The following RAF1 variants were observed in gnomAD, a reference collection of about 807,000 sequenced individuals.
The protein encoded by RAF1 is RAF proto-oncogene serine/threonine-protein kinase.
In RAF1, 27 loss-of-function variants were observed where a neutral mutation model predicts 81.1. The ratio of observed to expected loss-of-function variants is 0.33; its 90% CI spans 0.25 to 0.46. The LOEUF is 0.46. Ranked by LOEUF, RAF1 falls within the 20% of genes least tolerant of loss-of-function variation. The pLI is 1.00. For synonymous variants in RAF1, 298 were observed against 294.0 expected (o/e 1.01, Z -0.14); for missense variants, 598 against 826.0 (o/e 0.72, Z 3.38).
At position 12,584,499 on chromosome 3, in the gene RAF1, C is replaced by T. The variant is rs1268664843; in HGVS notation, c.*15G>A. 1 of 1,614,070 alleles carries T rather than the reference C, an allele frequency of 6.2e-7. No homozygotes were observed. The highest frequency in any genetic ancestry group is 8.5e-7 in the Non-Finnish European group (1 of 1,180,046). ...TCCTCCTCCCCTGGCAGCCTGAAGA[C>T]AGGTGCAAAGTCAACTAGAAGACAG... On this transcript the variant is annotated 3_prime_UTR_variant, in exon 18 of 18. Transcript: ENST00000442415.
intron 1 of RAF1, among the ~76,000 whole-genome samples, chr3:12,639,529 G>C (rs192239201): frequency 6.6e-6 from 1 of 152,072 alleles, no homozygotes. Flanking sequence ...CAAAGTCTCA[G>C]GATACAAAAT....
At chr3:12,617,454 A>C (rs539508938) in intron 2 of RAF1, among the ~76,000 whole-genome samples, 1 of 152,116 alleles carries the variant, frequency 6.6e-6, no homozygotes, top group South Asian at 2.1e-4. Context: ...GGGGTTTGCC[A>C]CGTTGCCCGA....
chr3:12,656,676 T>C (rs577673644), intron 1 of RAF1, among the ~76,000 whole-genome samples: 1 of 152,156 alleles, frequency 6.6e-6, no homozygotes, highest in Non-Finnish European at 1.5e-5. Flanking sequence ...GCCTCATTTT[T>C]AAACTGAGAC....
intron 2 of RAF1, among the ~76,000 whole-genome samples, chr3:12,614,266 A>G (rs928978032): frequency 3.3e-5 from 5 of 152,230 alleles, no homozygotes; most frequent in African/African-American, 9.6e-5. Flanking sequence ...ACATACCAAA[A>G]TAGTTCAGAC....
intron 1 of RAF1, among the ~76,000 whole-genome samples, chr3:12,619,862 C>A (rs979156991): frequency 6.6e-6 from 1 of 151,994 alleles, no homozygotes; most frequent in Admixed American, 6.6e-5. Context: ...ATGGGCGGAT[C>A]ACAAGGTCAG....
At chr3:12,602,345 A>T (rs939842192) in intron 8 of RAF1, among the ~76,000 whole-genome samples, 11 of 152,198 alleles carry the variant, frequency 7.2e-5, no homozygotes, top group Admixed American at 2.0e-4. Context: ...TAAAGTAAAA[A>T]ATGATTAGGC....
At chr3:12,647,112 T>A (rs994596481) in intron 1 of RAF1, among the ~76,000 whole-genome samples, 15 of 148,858 alleles carry the variant, frequency 1.0e-4, no homozygotes, top group African/African-American at 3.7e-4. Context: ...CTGGCTAACA[T>A]GGTGAAACCC....
intron 1 of RAF1, among the ~76,000 whole-genome samples, chr3:12,646,647 T>C (rs567849881): frequency 1.3e-5 from 2 of 150,842 alleles, no homozygotes; most frequent in South Asian, 4.2e-4. Flanking sequence ...ACCTCCCGGG[T>C]TCACATGATT....
At position 12,622,584 on chromosome 3, in the gene RAF1, T is replaced by C. The variant is rs1012902843; in HGVS notation, c.-26-3837A>G. Among the ~76,000 whole-genome samples, 5 of 152,208 alleles carry C rather than the reference T, an allele frequency of 3.3e-5. No individual in the cohort carries two copies. In the East Asian group the frequency reaches 7.7e-4, roughly 23 times the overall value. ...CTTTCCCTAACCACACTAGCCAAAA[T>C]AGCCTGCTCTCCTTCTGCCAATTAA... On this transcript the variant is annotated intron_variant, in intron 1 of 17. Coordinates refer to ENST00000442415, the MANE Select transcript of RAF1 (RefSeq NM_001354689.3).
rs776550701 is a variant in RAF1, at chr3:12,596,961, C to T, written c.1168+2730G>A. On this transcript the variant is annotated intron_variant, in intron 11 of 17. Transcript: ENST00000442415. ...TCACCCAGGCTGAAGTGGAGTGGCA[C>T]GATCTCGGCTCACTGTAAGCTCTGC... Among the ~76,000 whole-genome samples, 39 of 151,692 alleles carry T rather than the reference C, an allele frequency of 2.6e-4. No individual in the cohort carries two copies. In the Middle Eastern group the frequency reaches 0.017, roughly 66 times the overall value.
rs2058210821 is a variant in RAF1, at chr3:12,583,636, A to ATGT, written c.*877_*878insACA. 3.4e-5 allele frequency: 8 copies of ATGT among 232,776 alleles called. No individual in the cohort carries two copies. The Admixed American group carries it at 3.9e-4, about 11-fold the overall frequency. 14.4% of individuals were successfully genotyped at this position (232,776 alleles called of 1,614,324 possible). A position where few individuals can be genotyped will look rare whatever the true frequency, so the allele number is the denominator to read the frequency against. On this transcript the variant is annotated 3_prime_UTR_variant, in exon 18 of 18. Coordinates refer to ENST00000442415, the MANE Select transcript of RAF1 (RefSeq NM_001354689.3). ...ATTTAATTTATTTTATTAAAATAAC[A>ATGT]TAATTGAGGGACCATCAGATAACTG...
intron 1 of RAF1, among the ~76,000 whole-genome samples, chr3:12,626,284 AATTTTT>A (rs1365006973): frequency 6.6e-6 from 1 of 151,488 alleles, no homozygotes; most frequent in African/African-American, 2.4e-5. Flanking sequence ...TTAAAAAAAA[AATTTTT>A]TTTAATTGTT....
intron 14 of RAF1, 45 bp downstream of exon 13, chr3:12,587,546 A>T (rs763726451): frequency 6.4e-7 from 1 of 1,552,478 alleles, no homozygotes; most frequent in South Asian, 1.1e-5. Context: ...TGTTTCCCTA[A>T]ATTTAGAACC....
chr3:12,590,484 T>C (rs7627610), intron 13 of RAF1: 344,093 of 344,106 alleles, frequency 1, 172,040 homozygotes, highest in Middle Eastern at 1. Context: ...GCCACCAGAC[T>C]TGGTTCATTC....
At chr3:12,662,290 C>CATG (rs1348029080) in intron 1 of RAF1, among the ~76,000 whole-genome samples, 1 of 136,030 alleles carries the variant, frequency 7.4e-6, no homozygotes. Flanking sequence ...GAGCTATGAT[C>CATG]ATGCCACTGC....
Position 12,620,633 on chromosome 3 carries a change from G to A in RAF1, c.-26-1886C>T, listed in dbSNP as rs117924024. Among the ~76,000 whole-genome samples, 717 of 152,058 alleles carry A rather than the reference G, an allele frequency of 4.7e-3. 13 individuals are homozygous for A. The highest frequency in any genetic ancestry group is 0.035 in the East Asian group (182 of 5,166). ...CCACAGACGTGCATCACCATGCCCA[G>A]CTAATTTTTAAGAACAGTTTTTTTT... is the stretch of plus-strand genomic sequence containing the variant. On this transcript the variant is annotated intron_variant, in intron 1 of 17. Transcript: ENST00000442415.
chr3:12,636,341 G>A (rs919107253), intron 1 of RAF1, among the ~76,000 whole-genome samples: 3 of 151,470 alleles, frequency 2.0e-5, no homozygotes, highest in African/African-American at 7.3e-5. Flanking sequence ...CAAGCTACTT[G>A]GGAGGCTGAG....
chr3:12,594,377 C>T (rs867523638), intron 11 of RAF1, among the ~76,000 whole-genome samples: 2 of 152,142 alleles, frequency 1.3e-5, no homozygotes, highest in African/African-American at 2.4e-5. Flanking sequence ...TTGGGAGATG[C>T]TGGATGATCG....
chr3:12,610,350 T>C (rs903052289), intron 3 of RAF1, among the ~76,000 whole-genome samples: 1 of 152,216 alleles, frequency 6.6e-6, no homozygotes, highest in Non-Finnish European at 1.5e-5. Flanking sequence ...AAACTTCCTA[T>C]AACTCCAAAG....
Sources: gnomAD v4.1 joint callset for allele counts (sites outside exome capture counted in the v4.1 genomes callset) on GRCh38, gnomAD v4.1.1 for gene constraint, MANE v1.5 for transcripts, NCBI Gene and HGNC (gene_info 2026-07-23, HGNC 2026-07-21) for gene names.